Variants in TEKT5 observed in about 807,000 individuals in gnomAD.
TEKT5 encodes the protein tektin-5.
In TEKT5, 52 loss-of-function variants were observed where a neutral mutation model predicts 48.7. The observed-to-expected ratio is 1.07, with a 90% CI of 0.86 to 1.35. TEKT5 has a LOEUF of 1.35. Ranked by LOEUF, TEKT5 falls within the 40% of genes most tolerant of loss-of-function variation. The pLI, the probability that TEKT5 is intolerant of heterozygous loss-of-function variation, is 0.00. For missense variants in TEKT5, 831 were observed against 641.6 expected (o/e 1.30, Z -3.19); for synonymous variants, 318 against 267.6 (o/e 1.19, Z -1.84).
intron 5 of TEKT5, among the ~76,000 whole-genome samples, chr16:10,655,178 C>T (rs1898240170): frequency 6.6e-6 from 1 of 152,146 alleles, no homozygotes; most frequent in Admixed American, 6.5e-5. Context: ...TTTACATACA[C>T]ACACATGCTG....
At chr16:10,634,636 G>A (rs552050620) in intron 6 of TEKT5, among the ~76,000 whole-genome samples, 4 of 152,178 alleles carry the variant, frequency 2.6e-5, no homozygotes, top group Non-Finnish European at 5.9e-5. Flanking sequence ...TGCAGAAAGA[G>A]TGATGGACTG....
intron 1 of TEKT5, among the ~76,000 whole-genome samples, chr16:10,693,720 T>A (rs1310089843): frequency 6.6e-6 from 1 of 152,206 alleles, no homozygotes; most frequent in Admixed American, 6.5e-5. Flanking sequence ...CAGTGGCCCA[T>A]GCCTGCAATC....
rs764070560 is a variant in TEKT5 at position 10,627,700 on chromosome 16, CT to C, written c.1340del (p.Lys447SerfsTer?). 1.2e-6 allele frequency: 2 copies of C among 1,614,114 alleles called. No individual in the cohort carries two copies. Among genetic ancestry groups the C allele is most frequent in the East Asian group, 4.5e-5 (2 of 44,888 alleles). Reference protein sequence around the residue: ...QDTLQLLVMTKCRLEHELAIK... With the variant: ...QDTLQLLVMTXCRLEHELAIK... ...TGGCGAGCTCGTGCTCCAGCCGGCA[CT>C]TGGTCATGACCAGCAGCTGCAGCGT... On this transcript the variant is annotated frameshift_variant, in exon 7 of 7. Coordinates refer to ENST00000283025, the MANE Select transcript of TEKT5 (RefSeq NM_144674.2). LOFTEE classifies it high-confidence loss of function.
At position 10,634,462 on chromosome 16, in the gene TEKT5, C is replaced by G. The variant is rs562331390; in HGVS notation, c.1241+1302G>C. On this transcript the variant is annotated intron_variant, in intron 6 of 6. Transcript: ENST00000283025. ...TGAATGCAGAATAAGGTTTATGGAG[C>G]AAATGAGCAGCTGAAATGGGGCCAG... 1.6e-4 allele frequency among the ~76,000 whole-genome samples: 24 copies of G among 152,240 alleles called. 2 individuals carry two copies. In the South Asian group the frequency reaches 5.0e-3, roughly 32 times the overall value.
In TEKT5 at chr16:10,627,723, G is replaced by C. The variant is rs760457652; in HGVS notation, c.1318C>G (p.Leu440Val). 9.9e-6 allele frequency: 16 copies of C among 1,614,072 alleles called. No homozygotes were observed. The highest frequency in any genetic ancestry group is 1.3e-5 in the Non-Finnish European group (15 of 1,180,032). The change falls in exon 7 of 7, where the codon CTG becomes GTG. Residue 440 changes from leucine to valine, a missense_variant. Coordinates refer to ENST00000283025, the MANE Select transcript of TEKT5 (RefSeq NM_144674.2). ...CACTTGGTCATGACCAGCAGCTGCA[G>C]CGTGTCCTGTGTCTCCCGCAGCCGC... is the stretch of plus-strand genomic sequence containing the variant. ...KLRLRETQDTLQLLVMTKCRL... is the reference protein window; with the variant it reads ...KLRLRETQDTVQLLVMTKCRL...
intron 6 of TEKT5, among the ~76,000 whole-genome samples, chr16:10,631,050 ATATATC>A (rs1897831779): frequency 7.5e-6 from 1 of 133,866 alleles, no homozygotes; most frequent in South Asian, 2.4e-4. Context: ...CCTACTAAAA[ATATATC>A]TATATCTATG....
intron 5 of TEKT5, among the ~76,000 whole-genome samples, chr16:10,656,643 T>C (rs949865103): frequency 6.6e-6 from 1 of 152,322 alleles, no homozygotes; most frequent in South Asian, 2.1e-4. Context: ...ACCTGAGATA[T>C]AATAAACTGA....
chr16:10,679,726 C>T (rs1898711213), intron 4 of TEKT5, among the ~76,000 whole-genome samples: 1 of 151,874 alleles, frequency 6.6e-6, no homozygotes, highest in Non-Finnish European at 1.5e-5. Flanking sequence ...GAAACCCCAT[C>T]TCTATTAAAA....
At chr16:10,657,335 C>A (rs990709997) in intron 5 of TEKT5, among the ~76,000 whole-genome samples, 1 of 151,826 alleles carries the variant, frequency 6.6e-6, no homozygotes, top group Non-Finnish European at 1.5e-5. Context: ...ACCATGTTGG[C>A]CAGGCTGGTC....
At chr16:10,637,336 C>A (rs538417932) in intron 5 of TEKT5, among the ~76,000 whole-genome samples, 1 of 135,154 alleles carries the variant, frequency 7.4e-6, no homozygotes, top group Non-Finnish European at 1.5e-5. Context: ...ACACCCAGCC[C>A]GCTTTAAAAA....
At chr16:10,682,306 A>G (rs183393210) in intron 3 of TEKT5, among the ~76,000 whole-genome samples, 170 bp from the exon 4 acceptor site, 11 of 150,552 alleles carry the variant, frequency 7.3e-5, no homozygotes, top group Admixed American at 2.0e-4. Context: ...GCTCCCCCCA[A>G]TCCAAACAGA....
chr16:10,656,419 T>C (rs1898263607), intron 5 of TEKT5, among the ~76,000 whole-genome samples: 1 of 151,832 alleles, frequency 6.6e-6, no homozygotes, highest in Admixed American at 6.6e-5. Context: ...ACCCAGCTAA[T>C]TATTTTTATT....
intron 5 of TEKT5, among the ~76,000 whole-genome samples, chr16:10,644,429 C>A (rs1011582680): frequency 1.3e-5 from 2 of 152,132 alleles, no homozygotes; most frequent in Non-Finnish European, 1.5e-5. Context: ...ATTATCTATG[C>A]AGATCCTTGA....
chr16:10,670,883 T>G (rs1898538661), intron 5 of TEKT5, among the ~76,000 whole-genome samples: 1 of 151,684 alleles, frequency 6.6e-6, no homozygotes, highest in African/African-American at 2.4e-5. Flanking sequence ...ATTTATGTAT[T>G]TATTTATTTA....
At chr16:10,691,765 G>A (rs1222489456) in intron 1 of TEKT5, among the ~76,000 whole-genome samples, 1 of 152,032 alleles carries the variant, frequency 6.6e-6, no homozygotes, top group Non-Finnish European at 1.5e-5. Context: ...TGGCTAACAC[G>A]GTGAAACCCT....
chr16:10,635,726 C>A, intron 6 of TEKT5, 38 bp downstream of exon 6: 1 of 1,593,328 alleles, frequency 6.3e-7, no homozygotes, highest in Non-Finnish European at 8.6e-7. Flanking sequence ...CCTGGATTCC[C>A]AGGGGTTCTC....
intron 6 of TEKT5, among the ~76,000 whole-genome samples, chr16:10,631,255 CAAA>C (rs557852936): frequency 0.16 from 9,777 of 59,848 alleles, 459 homozygotes; most frequent in Middle Eastern, 0.21. Flanking sequence ...GACTCCATCT[CAAA>C]AAAAAAAAAA....
chr16:10,631,242 C>G lies in TEKT5; in HGVS notation c.1242-3443G>C, dbSNP rs1484648531. ...TTACACTCCAGCCTGGACAACAGAG[C>G]AAGACTCCATCTCAAAAAAAAAAAA... On this transcript the variant is annotated intron_variant, in intron 6 of 6. Transcript: ENST00000283025. Among the ~76,000 whole-genome samples, 3 of 112,756 alleles carry G rather than the reference C, an allele frequency of 2.7e-5. No homozygotes were observed. The Admixed American group carries it at 3.2e-4, about 12-fold the overall frequency. The allele number at this position is 112,756 out of a possible 152,430, so 74.0% of individuals were successfully genotyped here. A position where few individuals can be genotyped will look rare whatever the true frequency, so the allele number is the denominator to read the frequency against.
intron 6 of TEKT5, among the ~76,000 whole-genome samples, chr16:10,632,877 C>T (rs7193650): frequency 3.6e-4 from 42 of 118,166 alleles, no homozygotes; most frequent in South Asian, 9.0e-4. Flanking sequence ...CAGACACACA[C>T]ACACACACAC....
Sources: allele counts gnomAD v4.1 joint callset (sites outside exome capture counted in the v4.1 genomes callset), GRCh38; gene constraint gnomAD v4.1.1; transcripts MANE v1.5; gene names NCBI Gene and HGNC (gene_info 2026-07-23, HGNC 2026-07-21).